LMNB2: variants seen among roughly 807,000 people sequenced by gnomAD.
LMNB2 encodes lamin B2.
A neutral mutation model predicts 69.3 loss-of-function variants in LMNB2; 17 were observed. The observed-to-expected ratio is 0.25, with a 90% CI of 0.17 to 0.37. LMNB2 has a LOEUF of 0.37. Among genes scored for constraint, LMNB2 ranks in the 10% least tolerant of loss-of-function variants. The pLI is 1.00. For synonymous variants in LMNB2, 397 were observed against 389.3 expected (o/e 1.02, Z -0.23); for missense variants, 789 against 883.6 (o/e 0.89, Z 1.36).
intron 3 of LMNB2, 34 bp from the exon 4 acceptor site, chr19:2,438,322 AT>A (rs1477881986): frequency 5.6e-6 from 9 of 1,613,578 alleles, no homozygotes; most frequent in Non-Finnish European, 7.6e-6. Context: ...TGGTGTGACA[AT>A]CTGTCTGTTG....
At position 2,456,935 on chromosome 19, in the gene LMNB2, C is replaced by T. The variant is rs1346168338; in HGVS notation, c.-2G>A. ...GCGGCCCGGGCTCGGCGGGCTCATTCAATCCGCGCCGCCGGCTGCAAGATG... is the reference window on the plus strand; with the variant it reads ...GCGGCCCGGGCTCGGCGGGCTCATTTAATCCGCGCCGCCGGCTGCAAGATG... On this transcript the variant is annotated 5_prime_UTR_variant, in exon 1 of 12. Transcript: ENST00000325327. 1.5e-5 allele frequency: 15 copies of T among 989,642 alleles called. No homozygotes were observed. The highest frequency in any genetic ancestry group is 3.5e-5 in the African/African-American group (2 of 56,712). 61.3% of individuals were successfully genotyped at this position (989,642 alleles called of 1,614,324 possible).
chr19:2,438,575 T>A, intron 2 of LMNB2, 44 bp from the exon 3 acceptor site: 1 of 1,597,278 alleles, frequency 6.3e-7, no homozygotes, highest in Non-Finnish European at 8.5e-7. Flanking sequence ...GCAAGGTCCA[T>A]GGGGCCACAG....
At chr19:2,431,959 G>A (rs1971746659) in intron 9 of LMNB2, 57 bp from the exon 10 acceptor site, 11 of 1,558,606 alleles carry the variant, frequency 7.1e-6, no homozygotes, top group Non-Finnish European at 9.5e-6. Context: ...AGGGACGTGG[G>A]CCAGCCAGTG....
At position 2,435,072 on chromosome 19, in the gene LMNB2, C is replaced by T; in HGVS notation, c.784G>A (p.Glu262Lys). The T allele has an allele frequency of 6.2e-7, 1 of 1,610,780 alleles. No homozygotes were observed. The highest frequency in any genetic ancestry group is 1.1e-5 in the South Asian group (1 of 91,086). The change falls in exon 5 of 12, where the codon GAG becomes AAG. Residue 262 changes from glutamate to lysine, a missense_variant. Physicochemically the swap from Glu to Lys is moderately conservative, Grantham distance 56. This residue lies in a region of LMNB2 where 609 missense variants were observed against 630.9 expected (regional missense o/e 0.97). Coordinates refer to ENST00000325327, the MANE Select transcript of LMNB2 (RefSeq NM_032737.4). ...TGCTCGTCGTGCTGGCTCCGCAGCT[C>T]CTCCAGCGCCTGTGCCATCTTGAAG... ...YDFKMAQALE[E>K]LRSQHDEQVR...
intron 4 of LMNB2, 61 bp from the exon 5 acceptor site, chr19:2,435,232 G>A: frequency 6.3e-7 from 1 of 1,586,312 alleles, no homozygotes; most frequent in Non-Finnish European, 8.5e-7. Context: ...CAGGCCCAAG[G>A]GAGGGCTCAA....
chr19:2,434,925 C>T lies in LMNB2; in HGVS notation c.856-12G>A, dbSNP rs759357811. On this transcript the variant is annotated splice_polypyrimidine_tract_variant and intron_variant, in intron 5 of 11. Coordinates refer to ENST00000325327, the MANE Select transcript of LMNB2 (RefSeq NM_032737.4). The stretch of plus-strand genomic sequence containing the variant: ...TTGGCGCTGTCCAGCTGTGGGGAGA[C>T]GGGCGGGTGAGTGCGGGCGCGGGGC... 3.3e-5 allele frequency: 52 copies of T among 1,598,946 alleles called. 2 individuals are homozygous for T. The South Asian group carries it at 3.9e-4, about 12-fold the overall frequency.
intron 11 of LMNB2, 62 bp downstream of exon 11, chr19:2,431,466 AGCACGCATGTGTATGTGTGT>A: frequency 6.3e-7 from 1 of 1,578,814 alleles, no homozygotes; most frequent in Non-Finnish European, 8.7e-7. Flanking sequence ...GGATGCGGCC[AGCACGCATGTGTATGTGTGT>A]GCACGAGCTC....
chr19:2,449,475 A>G (rs1007612746), intron 1 of LMNB2, among the ~76,000 whole-genome samples: 2 of 152,166 alleles, frequency 1.3e-5, no homozygotes, highest in Non-Finnish European at 2.9e-5. Context: ...GAATTAATTG[A>G]TTTTTAAAAG....
intron 1 of LMNB2, among the ~76,000 whole-genome samples, chr19:2,448,087 C>T (rs1971978554): frequency 6.6e-6 from 1 of 152,216 alleles, no homozygotes; most frequent in Non-Finnish European, 1.5e-5. Flanking sequence ...GAGCTCCTCC[C>T]GCGGCACCCC....
chr19:2,430,954 TGCAG>T lies in LMNB2; in HGVS notation c.1822-6_1822-3del. On this transcript the variant is annotated splice_region_variant and splice_polypyrimidine_tract_variant and intron_variant, in intron 11 of 11. Coordinates refer to ENST00000325327, the MANE Select transcript of LMNB2 (RefSeq NM_032737.4). ...TCTTGAGGTGGTCCTCGGGTCCCCC[TGCAG>T]GAAGGAAGGAAGGAAGGTCGGCCAT... 1 of 1,608,884 alleles carries T rather than the reference TGCAG, an allele frequency of 6.2e-7. No individual in the cohort carries two copies. Among genetic ancestry groups the T allele is most frequent in the Non-Finnish European group, 8.5e-7 (1 of 1,175,690 alleles).
At position 2,433,976 on chromosome 19, in the gene LMNB2, G is replaced by C; in HGVS notation, c.1332C>G (p.Pro444=). 6.2e-7 allele frequency: 1 copy of C among 1,610,772 alleles called. No individual in the cohort carries two copies. The highest frequency in any genetic ancestry group is 8.5e-7 in the Non-Finnish European group (1 of 1,179,490). ...CCAGGACGCTTGGGCCGCTGCCCAA[G>C]GGCTCCTCCACCTCCAGCCGCTTCC... ...SKRKRLEVEE[P]LGSGPSVLGT... Residue 444 remains proline (P), a synonymous_variant, in exon 8 of 12, where the codon CCC becomes CCG. Transcript: ENST00000325327.
intron 1 of LMNB2, among the ~76,000 whole-genome samples, chr19:2,452,717 C>T (rs1341417679): frequency 2.0e-5 from 3 of 152,156 alleles, no homozygotes; most frequent in African/African-American, 7.2e-5. Context: ...CAGAGTGAGA[C>T]TCTATCTCAA....
intron 2 of LMNB2, among the ~76,000 whole-genome samples, chr19:2,439,737 C>T (rs1358976699): frequency 7.0e-6 from 1 of 143,318 alleles, no homozygotes; most frequent in Non-Finnish European, 1.5e-5. Flanking sequence ...TCCCTAGAGC[C>T]TTTTTTTTTT....
chr19:2,455,452 G>T (rs993053900), intron 1 of LMNB2, among the ~76,000 whole-genome samples: 2 of 152,014 alleles, frequency 1.3e-5, no homozygotes, highest in South Asian at 2.1e-4. Context: ...TCTGAGGGAC[G>T]AGGCATATGG....
intron 4 of LMNB2, 127 bp downstream of exon 4, chr19:2,438,036 G>C: frequency 7.1e-7 from 1 of 1,414,622 alleles, no homozygotes; most frequent in South Asian, 1.2e-5. Context: ...GAGGCAGGAA[G>C]GAGCCTCCCT....
chr19:2,450,119 C>CATATAT (rs768767651), intron 1 of LMNB2, among the ~76,000 whole-genome samples: 3 of 135,336 alleles, frequency 2.2e-5, no homozygotes, highest in African/African-American at 9.1e-5. Context: ...TATATATATA[C>CATATAT]ACATATATAT....
intron 2 of LMNB2, among the ~76,000 whole-genome samples, chr19:2,442,660 T>A (rs570789150): frequency 6.6e-6 from 1 of 152,080 alleles, no homozygotes; most frequent in African/African-American, 2.4e-5. Context: ...TGAGGCAGGA[T>A]CACCTGAGCC....
chr19:2,435,812 C>T (rs532483054), intron 4 of LMNB2, among the ~76,000 whole-genome samples: 6 of 147,404 alleles, frequency 4.1e-5, no homozygotes, highest in African/African-American at 7.6e-5. Flanking sequence ...AGTGAGACTG[C>T]GTCTCAAAAA....
chr19:2,454,309 A>G (rs867006943), intron 1 of LMNB2, among the ~76,000 whole-genome samples: 1 of 151,304 alleles, frequency 6.6e-6, no homozygotes, highest in African/African-American at 2.4e-5. Flanking sequence ...AAAAAAAAAA[A>G]AAAAGAAAGA....
Sources: gnomAD v4.1 joint callset for allele counts (sites outside exome capture counted in the v4.1 genomes callset) on GRCh38, gnomAD v4.1.1 for gene constraint, gnomAD v4.1.1 regional missense constraint, MANE v1.5 for transcripts, NCBI Gene and HGNC (gene_info 2026-07-23, HGNC 2026-07-21) for gene names.